The following SCHIP1 variants were observed in gnomAD, a reference collection of about 807,000 sequenced individuals.
The protein encoded by SCHIP1 is schwannomin-interacting protein 1.
In SCHIP1, 8 loss-of-function variants were observed where a neutral mutation model predicts 29.7. The ratio of observed to expected loss-of-function variants is 0.27; its 90% confidence interval spans 0.16 to 0.49. The LOEUF is 0.49. SCHIP1 is among the 20% of genes least tolerant of loss of function. The pLI is 0.99. For missense variants in SCHIP1, 193 were observed against 294.6 expected (o/e 0.66, Z 2.52); for synonymous variants, 76 against 94.9 (o/e 0.80, Z 1.16).
upstream of SCHIP1, among the ~76,000 whole-genome samples, chr3:159,837,534 C>T (rs951248735): frequency 4.6e-5 from 7 of 152,044 alleles, no homozygotes; most frequent in Non-Finnish European, 1.0e-4. Context: ...ACCAGCCTGG[C>T]CAACAAGGTG....
the SCHIP1 span, among the ~76,000 whole-genome samples, chr3:159,808,783 A>AC: frequency 4.7e-4 from 71 of 151,644 alleles, 1 homozygote; most frequent in African/African-American, 4.8e-5. Flanking sequence ...TAAGCTAATT[A>AC]CCCCCCTCTA....
the SCHIP1 span, among the ~76,000 whole-genome samples, chr3:159,616,987 T>G: frequency 6.6e-6 from 1 of 152,230 alleles, no homozygotes; most frequent in Non-Finnish European, 1.5e-5. Context: ...AGCCAATGGG[T>G]ACTCTACTGG....
the SCHIP1 span, among the ~76,000 whole-genome samples, chr3:159,652,091 G>A: frequency 9.3e-5 from 14 of 150,826 alleles, no homozygotes; most frequent in African/African-American, 3.4e-4. Flanking sequence ...TTGACAGAGT[G>A]AGACTCCATC....
the SCHIP1 span, among the ~76,000 whole-genome samples, chr3:159,388,467 A>T: frequency 6.6e-6 from 1 of 152,128 alleles, no homozygotes; most frequent in Non-Finnish European, 1.5e-5. Flanking sequence ...TAGATAAAAG[A>T]TTTAGTAATT....
upstream of SCHIP1, among the ~76,000 whole-genome samples, chr3:159,836,370 C>T (rs188458229): frequency 2.2e-4 from 34 of 152,240 alleles, no homozygotes; most frequent in Admixed American, 1.9e-3. Context: ...GGCATGGATC[C>T]CATTTGTGAG....
At chr3:159,362,117 A>C in the SCHIP1 span, among the ~76,000 whole-genome samples, 2 of 152,320 alleles carry the variant, frequency 1.3e-5, no homozygotes, top group South Asian at 4.1e-4. Context: ...GGAGCCTTCC[A>C]ACATTAAAAG....
the SCHIP1 span, among the ~76,000 whole-genome samples, chr3:159,672,939 T>C: frequency 3.3e-5 from 5 of 152,218 alleles, no homozygotes; most frequent in Non-Finnish European, 7.3e-5. Flanking sequence ...CTGCAGTTTC[T>C]AATACAACAT....
chr3:159,680,730 A>ATACATATATTATATATGTATATAT, the SCHIP1 span, among the ~76,000 whole-genome samples: 52 of 73,952 alleles, frequency 7.0e-4, no homozygotes, highest in Admixed American at 1.2e-3. Flanking sequence ...GTATATATAT[A>ATACATATATTATATATGTATATAT]ATATACATAT....
chr3:159,451,051 G>A, the SCHIP1 span, among the ~76,000 whole-genome samples: 9 of 152,074 alleles, frequency 5.9e-5, 1 homozygote, highest in South Asian at 1.0e-3. Context: ...CTCGTGATCC[G>A]CCTGCCTCGG....
the SCHIP1 span, among the ~76,000 whole-genome samples, chr3:159,312,011 G>A: frequency 6.6e-6 from 1 of 152,144 alleles, no homozygotes; most frequent in Non-Finnish European, 1.5e-5. Flanking sequence ...TAAAACCATA[G>A]CCTAGACAAC....
chr3:159,625,094 A>G, the SCHIP1 span, among the ~76,000 whole-genome samples: 364 of 152,292 alleles, frequency 2.4e-3, 1 homozygote, highest in Non-Finnish European at 3.9e-3. Context: ...AGACAACTCA[A>G]TCACCTTTGC....
the SCHIP1 span, among the ~76,000 whole-genome samples, chr3:159,383,460 G>C: frequency 1.3e-5 from 2 of 151,942 alleles, no homozygotes; most frequent in African/African-American, 4.8e-5. Context: ...CTGTTCCATT[G>C]ATCTATATCT....
chr3:159,857,714 C>A lies in SCHIP1; in HGVS notation c.31-8449C>A, dbSNP rs1266780399. 2.0e-5 allele frequency among the ~76,000 whole-genome samples: 3 copies of A among 152,182 alleles called. No individual in the cohort carries two copies. The East Asian group carries it at 5.8e-4, about 29-fold the overall frequency. On this transcript the variant is annotated intron_variant, in intron 1 of 6. Coordinates refer to ENST00000445224, the Ensembl canonical transcript of SCHIP1. ...TCTCCATTCTTCTCACTACCTTCCC[C>A]ACCCCTTCCTTTTAATATTAATAAC...
chr3:159,556,687 T>A, the SCHIP1 span, among the ~76,000 whole-genome samples: 1,279 of 147,570 alleles, frequency 8.7e-3, 24 homozygotes, highest in African/African-American at 0.03. Flanking sequence ...CAAACACCGC[T>A]TGTTCTCACT....
chr3:159,605,047 C>T, the SCHIP1 span, among the ~76,000 whole-genome samples: 28 of 152,234 alleles, frequency 1.8e-4, no homozygotes, highest in African/African-American at 6.5e-4. Flanking sequence ...AATCAAGGGA[C>T]GTGAGATGAA....
At chr3:159,780,377 T>C in the SCHIP1 span, among the ~76,000 whole-genome samples, 1 of 152,188 alleles carries the variant, frequency 6.6e-6, no homozygotes, top group African/African-American at 2.4e-5. Context: ...TTGGTTTTAA[T>C]TGCTTGCAAG....
At chr3:159,658,354 G>A in the SCHIP1 span, among the ~76,000 whole-genome samples, 1 of 152,268 alleles carries the variant, frequency 6.6e-6, no homozygotes, top group African/African-American at 2.4e-5. Context: ...AACAGTGGCA[G>A]ATATTTAAAA....
the SCHIP1 span, among the ~76,000 whole-genome samples, chr3:159,285,486 T>C: frequency 6.6e-6 from 1 of 152,138 alleles, no homozygotes; most frequent in African/African-American, 2.4e-5. Context: ...CACAAGTTGT[T>C]TTCACTAATC....
the SCHIP1 span, among the ~76,000 whole-genome samples, chr3:159,347,368 A>G: frequency 6.6e-6 from 1 of 152,196 alleles, no homozygotes; most frequent in Admixed American, 6.5e-5. Flanking sequence ...AGAGAAAAAA[A>G]CAAACTAGTA....
Sources: gnomAD v4.1 joint callset for allele counts (sites outside exome capture counted in the v4.1 genomes callset) on GRCh38, gnomAD v4.1.1 for gene constraint, MANE v1.5 for transcripts, NCBI Gene and HGNC (gene_info 2026-07-23, HGNC 2026-07-21) for gene names.